ISLR2: variants seen among roughly 807,000 people sequenced by gnomAD.
ISLR2 encodes the protein immunoglobulin superfamily containing leucine-rich repeat protein 2.
ISLR2 carries 16 observed loss-of-function variants against 25.5 expected under a neutral mutation model. That is an observed-to-expected ratio of 0.63 (90% CI 0.43 to 0.95). The LOEUF is 0.95. ISLR2 is among the 40% of genes least tolerant of loss of function. The pLI is 0.00. For missense variants in ISLR2, 883 were observed against 1,030.7 expected (o/e 0.86, Z 1.96); for synonymous variants, 508 against 486.6 (o/e 1.04, Z -0.58).
chr15:74,121,462 G>A (rs2072251956), intron 2 of ISLR2, among the ~76,000 whole-genome samples: 1 of 152,096 alleles, frequency 6.6e-6, no homozygotes, highest in Admixed American at 6.6e-5. Context: ...ATCTTTTCCT[G>A]GGAGGCGCTG....
downstream of ISLR2, among the ~76,000 whole-genome samples, chr15:74,137,615 C>G (rs1010636346): frequency 3.3e-5 from 5 of 152,226 alleles, no homozygotes; most frequent in African/African-American, 1.2e-4. Flanking sequence ...CTAAAACACA[C>G]GGGTTGGGCT....
intron 2 of ISLR2, among the ~76,000 whole-genome samples, chr15:74,116,795 T>C (rs1030267461): frequency 2.6e-5 from 4 of 151,670 alleles, no homozygotes; most frequent in Non-Finnish European, 5.9e-5. Context: ...TTGAGGGAGG[T>C]GATAAATCTC....
At position 74,136,532 on chromosome 15, in the gene ISLR2, G is replaced by A. The variant is rs1195152337; in HGVS notation, c.*1540G>A. Reference sequence around the variant, plus strand: ...AGGAGAAAAGTCTGTGTCCTGTGAAGTGTGACCGTGTAGTGTAGGGGGGCG... The same window carrying A: ...AGGAGAAAAGTCTGTGTCCTGTGAAATGTGACCGTGTAGTGTAGGGGGGCG... On this transcript the variant is annotated 3_prime_UTR_variant, in exon 3 of 3. Transcript: ENST00000453268. 1.3e-5 allele frequency: 2 copies of A among 159,810 alleles called. No individual in the cohort carries two copies. The highest frequency in any genetic ancestry group is 2.5e-5 in the African/African-American group (1 of 40,670). 9.9% of individuals were successfully genotyped at this position (159,810 alleles called of 1,614,324 possible). A position where few individuals can be genotyped will look rare whatever the true frequency, so the allele number is the denominator to read the frequency against.
chr15:74,104,576 AG>A (rs1441218834), intron 2 of ISLR2, among the ~76,000 whole-genome samples: 1 of 152,092 alleles, frequency 6.6e-6, no homozygotes, highest in African/African-American at 2.4e-5. Context: ...TGAGGCCAGG[AG>A]TTCAAGACCA....
At chr15:74,128,758 G>T, upstream of ISLR2, 1 of 436,132 alleles carries the variant, frequency 2.3e-6, no homozygotes, top group Non-Finnish European at 4.5e-6. Context: ...CTCAGCTCCC[G>T]CTGCTGGGCC....
intron 2 of ISLR2, among the ~76,000 whole-genome samples, chr15:74,104,408 C>G (rs2072104322): frequency 6.6e-6 from 1 of 152,240 alleles, no homozygotes; most frequent in African/African-American, 2.4e-5. Context: ...AATCCATTAA[C>G]ATAAATGTGG....
chr15:74,122,133 C>A (rs2072257942), intron 2 of ISLR2, among the ~76,000 whole-genome samples: 1 of 152,246 alleles, frequency 6.6e-6, no homozygotes, highest in South Asian at 2.1e-4. Context: ...TTGGCACGTC[C>A]TTGACCCAGA....
chr15:74,111,245 A>G (rs957023064), intron 2 of ISLR2, among the ~76,000 whole-genome samples: 9 of 151,894 alleles, frequency 5.9e-5, no homozygotes, highest in African/African-American at 2.2e-4. Flanking sequence ...CAATCTCAAA[A>G]GGCCACATAC....
At chr15:74,117,448 C>T (rs1418096753) in intron 2 of ISLR2, among the ~76,000 whole-genome samples, 1 of 151,972 alleles carries the variant, frequency 6.6e-6, no homozygotes, top group Non-Finnish European at 1.5e-5. Flanking sequence ...TGGGAGGTTG[C>T]AGCAGGAGGA....
Position 74,134,893 on chromosome 15 carries a change from C to G in ISLR2, c.2139C>G (p.Phe713Leu). ...AGTCCAAGGCCAACCAAGAGGAGTTCGAGGCGGGCTCTGAGTACAGCGATC... is the reference window on the plus strand; with the variant it reads ...AGTCCAAGGCCAACCAAGAGGAGTTGGAGGCGGGCTCTGAGTACAGCGATC... ...ESQSKANQEE[F>L]EAGSEYSDRL... Residue 713 changes from phenylalanine to leucine, a missense_variant, in exon 3 of 3, where the codon TTC (phenylalanine) becomes TTG (leucine). Transcript: ENST00000453268. The G allele has an allele frequency of 6.2e-7, 1 of 1,614,130 alleles. No individual in the cohort carries two copies. The highest frequency in any genetic ancestry group is 1.7e-4 in the Middle Eastern group (1 of 6,026).
intron 2 of ISLR2, among the ~76,000 whole-genome samples, chr15:74,116,530 T>G (rs2072212482): frequency 6.6e-6 from 1 of 152,148 alleles, no homozygotes; most frequent in African/African-American, 2.4e-5. Context: ...AAGCAGTTCT[T>G]TGGTCAGAAG....
chr15:74,129,336 T>TC (rs1175351228), upstream of ISLR2: 1 of 267,414 alleles, frequency 3.7e-6, no homozygotes, highest in Non-Finnish European at 7.3e-6. The surrounding 1 kb of genome is among the most constrained non-coding windows in gnomAD (Gnocchi z 4.5). Flanking sequence ...CTGTCTCTCT[T>TC]CCCCACCCCC....
chr15:74,132,830 T>A lies in ISLR2; in HGVS notation c.76T>A (p.Cys26Ser), dbSNP rs1312994100. Residue 26 changes from cysteine (C) to serine (S), a missense_variant, in exon 3 of 3, where the codon TGC (cysteine) becomes AGC (serine). Physicochemically the swap from Cys to Ser is moderately radical, Grantham distance 112. Coordinates refer to ENST00000453268, the MANE Select transcript of ISLR2 (RefSeq NM_020851.3). This position sits in a 1 kb window ranked among gnomAD's most constrained non-coding sequence, Gnocchi z 4.3. ...CGGATCATGCCCGGAGCCGTGCGCC[T>A]GCGTGGACAAGTACGCTCACCAGTT... ...VAGSCPEPCACVDKYAHQFAD... is the reference protein window; with the variant it reads ...VAGSCPEPCASVDKYAHQFAD... The A allele has an allele frequency of 6.2e-7, 1 of 1,614,112 alleles. No homozygotes were observed.
At chr15:74,124,153 C>G (rs1343683017), upstream of ISLR2, among the ~76,000 whole-genome samples, 3 of 149,942 alleles carry the variant, frequency 2.0e-5, no homozygotes, top group African/African-American at 7.4e-5. Flanking sequence ...AAGGAAGTAT[C>G]TAGTATGGTC....
chr15:74,108,969 C>G (rs1272877074), intron 2 of ISLR2, among the ~76,000 whole-genome samples: 1 of 152,192 alleles, frequency 6.6e-6, no homozygotes, highest in African/African-American at 2.4e-5. Flanking sequence ...GGCTTCCTGA[C>G]TCTGCCAACA....
intron 2 of ISLR2, among the ~76,000 whole-genome samples, chr15:74,111,381 C>A (rs1219352337): frequency 7.2e-5 from 11 of 152,018 alleles, no homozygotes; most frequent in Non-Finnish European, 1.5e-4. Flanking sequence ...CCTCCACCTC[C>A]TGGGTTCAAG....
rs1437132130 is a variant in ISLR2, at chr15:74,133,436, C to T, written c.682C>T (p.Leu228=). Residue 228 remains leucine, a synonymous_variant, in exon 3 of 3, where the codon CTG becomes TTG. Transcript: ENST00000453268. ...QGVPVYRLPA[L]PCAPPSVHLS... The stretch of plus-strand genomic sequence containing the variant: ...GGTGCCGGTGTACCGCCTGCCCGCC[C>T]TGCCCTGTGCACCGCCCAGCGTGCA... The T allele has an allele frequency of 1.9e-6, 3 of 1,609,384 alleles. No individual in the cohort carries two copies. Among genetic ancestry groups the T allele is most frequent in the Non-Finnish European group, 2.5e-6 (3 of 1,179,626 alleles).
In ISLR2 at chr15:74,114,675, G is replaced by A. The variant is rs531360049; in HGVS notation, n.228+10761G>A. 2.0e-5 allele frequency among the ~76,000 whole-genome samples: 3 copies of A among 151,610 alleles called. No individual in the cohort carries two copies. The South Asian group carries it at 6.3e-4, about 32-fold the overall frequency. ...GCAACCTCTACATGTGGCCATGATT[G>A]CTAACAGGGACCAGATTTGCCTCCC... On this transcript the variant is annotated intron_variant and non_coding_transcript_variant, in intron 2 of 3. Coordinates refer to the ISLR2 transcript ENST00000561975.
In ISLR2 at chr15:74,133,226, C is replaced by G; in HGVS notation, c.472C>G (p.Arg158Gly). The change falls in exon 3 of 3, where the codon CGG becomes GGG. Residue 158 changes from arginine (R) to glycine (G), a missense_variant. By Grantham distance (125) the Arg-to-Gly change is moderately radical. Coordinates refer to ENST00000453268, the MANE Select transcript of ISLR2 (RefSeq NM_020851.3). ...DLRSLRINNNRLRTLAPGTFD... is the reference protein window; with the variant it reads ...DLRSLRINNNGLRTLAPGTFD... ...GCGTTCCCTGCGCATCAACAACAACCGGCTGCGTACGCTGGCGCCTGGCAC... is the reference window on the plus strand; with the variant it reads ...GCGTTCCCTGCGCATCAACAACAACGGGCTGCGTACGCTGGCGCCTGGCAC... The G allele has an allele frequency of 6.2e-7, 1 of 1,612,774 alleles. No homozygotes were observed. Among genetic ancestry groups the G allele is most frequent in the Non-Finnish European group, 8.5e-7 (1 of 1,180,016 alleles).
Sources: allele counts gnomAD v4.1 joint callset (sites outside exome capture counted in the v4.1 genomes callset), GRCh38; gene constraint gnomAD v4.1.1; non-coding constraint Gnocchi (gnomAD v3.1); transcripts MANE v1.5; gene names NCBI Gene and HGNC (gene_info 2026-07-23, HGNC 2026-07-21).